AP3B1: variants seen among roughly 807,000 people sequenced by gnomAD.
AP3B1 encodes adaptor related protein complex 3 subunit beta 1.
A neutral mutation model predicts 132.5 loss-of-function variants in AP3B1; 61 were observed. The ratio of observed to expected loss-of-function variants is 0.46; its 90% CI spans 0.37 to 0.57. The LOEUF (loss-of-function observed/expected upper bound fraction) is 0.57, where lower values mean the gene tolerates loss of function less well. AP3B1 is among the 20% of genes least tolerant of loss of function. The pLI, the probability that AP3B1 is intolerant of heterozygous loss-of-function variation, is 0.00. For missense variants in AP3B1, 1,120 were observed against 1,289.4 expected (o/e 0.87, Z 2.01); for synonymous variants, 388 against 438.3 (o/e 0.89, Z 1.43).
intron 14 of AP3B1, among the ~76,000 whole-genome samples, chr5:78,153,117 C>T (rs1580415336): frequency 1.3e-5 from 2 of 152,092 alleles, no homozygotes; most frequent in South Asian, 4.1e-4. Context: ...AAGATCTGTC[C>T]AATGCTGAAA....
intron 26 of AP3B1, among the ~76,000 whole-genome samples, chr5:78,005,163 T>C (rs1015962122): frequency 2.6e-5 from 4 of 152,214 alleles, no homozygotes; most frequent in African/African-American, 9.6e-5. Context: ...ACGTGTGTAA[T>C]TCACTCAACA....
intron 22 of AP3B1, among the ~76,000 whole-genome samples, chr5:78,070,722 CA>C (rs60255463): frequency 0.03 from 4,165 of 137,896 alleles, 65 homozygotes; most frequent in Non-Finnish European, 0.037. Context: ...AAGAAAAAAA[CA>C]AAAAAAAAAA....
intron 21 of AP3B1, among the ~76,000 whole-genome samples, chr5:78,095,647 G>T (rs532185092): frequency 6.6e-6 from 1 of 152,000 alleles, no homozygotes; most frequent in African/African-American, 2.4e-5. Context: ...ATTTTCTCTC[G>T]TATGCAATAG....
At chr5:78,215,718 C>T (rs1745931754) in intron 7 of AP3B1, among the ~76,000 whole-genome samples, 2 of 152,104 alleles carry the variant, frequency 1.3e-5, no homozygotes, top group Non-Finnish European at 2.9e-5. Flanking sequence ...GGCTCAAAGA[C>T]GTGAAAGTAA....
chr5:78,260,445 T>C (rs1748039297), intron 2 of AP3B1, among the ~76,000 whole-genome samples: 1 of 151,916 alleles, frequency 6.6e-6, no homozygotes, highest in African/African-American at 2.4e-5. Flanking sequence ...AGTACAAAAA[T>C]TAGCGGGGCA....
chr5:78,273,874 G>A (rs942660138), intron 1 of AP3B1, among the ~76,000 whole-genome samples: 15 of 146,922 alleles, frequency 1.0e-4, no homozygotes, highest in Non-Finnish European at 3.0e-5. Flanking sequence ...TGCTTGGCTG[G>A]AAAAAAAAAC....
intron 14 of AP3B1, among the ~76,000 whole-genome samples, chr5:78,152,359 TG>T (rs1207817618): frequency 6.6e-6 from 1 of 151,988 alleles, no homozygotes; most frequent in Non-Finnish European, 1.5e-5. Context: ...TCTTGTTACT[TG>T]TTTTTGGTCT....
At position 78,100,629 on chromosome 5, in the gene AP3B1, A is replaced by G. The variant is rs403197; in HGVS notation, c.2470+324T>C. 8.6e-3 allele frequency among the ~76,000 whole-genome samples: 1,303 copies of G among 152,330 alleles called. 8 individuals are homozygous for G. The highest frequency in any genetic ancestry group is 0.014 in the Non-Finnish European group (966 of 68,014). On this transcript the variant is annotated intron_variant, in intron 21 of 26. Coordinates refer to ENST00000255194, the MANE Select transcript of AP3B1 (RefSeq NM_003664.5). ...TTAAGTTACATGTGTCAATCCCCAT[A>G]ATCCACATTTCACAATGTAGAAGTT...
chr5:78,033,292 A>C (rs908503587), intron 24 of AP3B1, among the ~76,000 whole-genome samples: 3 of 152,072 alleles, frequency 2.0e-5, no homozygotes, highest in African/African-American at 7.2e-5. Flanking sequence ...TGGGAAAAGT[A>C]ATCAGTTTTT....
chr5:78,024,886 A>T, intron 24 of AP3B1, among the ~76,000 whole-genome samples: 1 of 144,252 alleles, frequency 6.9e-6, no homozygotes. Context: ...TTTTGTAAAG[A>T]CAGAGTCTTA....
At chr5:78,164,974 C>T (rs541157102) in intron 12 of AP3B1, among the ~76,000 whole-genome samples, 8 of 152,216 alleles carry the variant, frequency 5.3e-5, no homozygotes, top group Middle Eastern at 6.8e-3. Context: ...AGTCATAATA[C>T]TGATGTAAAG....
chr5:78,061,820 C>T (rs1273696281), intron 22 of AP3B1, among the ~76,000 whole-genome samples: 2 of 152,194 alleles, frequency 1.3e-5, no homozygotes, highest in African/African-American at 4.8e-5. Flanking sequence ...TTTTAGAGTC[C>T]ATCCAGCCTT....
At chr5:78,010,213 C>A (rs1352790049) in intron 26 of AP3B1, among the ~76,000 whole-genome samples, 3 of 152,204 alleles carry the variant, frequency 2.0e-5, no homozygotes, top group Non-Finnish European at 4.4e-5. Flanking sequence ...GCATCCCTTA[C>A]TGACTAATCA....
At chr5:78,098,922 C>A (rs956649663) in intron 21 of AP3B1, among the ~76,000 whole-genome samples, 2 of 152,152 alleles carry the variant, frequency 1.3e-5, no homozygotes, top group Admixed American at 6.5e-5. Context: ...ACAAGAATAA[C>A]AAGAATAACA....
intron 9 of AP3B1, among the ~76,000 whole-genome samples, chr5:78,176,567 T>C (rs193205267): frequency 1.1e-3 from 161 of 152,254 alleles, no homozygotes; most frequent in African/African-American, 3.7e-3. Flanking sequence ...TTGTTTCAAA[T>C]TAAAACAACT....
chr5:78,083,567 A>T (rs1320378789), intron 22 of AP3B1, among the ~76,000 whole-genome samples: 1 of 152,132 alleles, frequency 6.6e-6, no homozygotes, highest in Non-Finnish European at 1.5e-5. Flanking sequence ...ATAATCCATT[A>T]AAAAAAATTT....
intron 23 of AP3B1, among the ~76,000 whole-genome samples, chr5:78,035,654 GA>G (rs1349176136): frequency 6.6e-6 from 1 of 151,996 alleles, no homozygotes; most frequent in Non-Finnish European, 1.5e-5. Context: ...TTAGGCAAAG[GA>G]AGTATGTTAA....
chr5:78,108,479 A>T (rs560489144), intron 20 of AP3B1, among the ~76,000 whole-genome samples: 1 of 152,178 alleles, frequency 6.6e-6, no homozygotes, highest in South Asian at 2.1e-4. Flanking sequence ...AAAGCAAAAA[A>T]CTCCACAGTC....
intron 21 of AP3B1, among the ~76,000 whole-genome samples, chr5:78,095,962 T>C (rs2112217584): frequency 6.6e-6 from 1 of 152,318 alleles, no homozygotes; most frequent in African/African-American, 2.4e-5. Flanking sequence ...AAAAAAACTT[T>C]CATTTCAATT....
Sources: allele counts gnomAD v4.1 joint callset (sites outside exome capture counted in the v4.1 genomes callset), GRCh38; gene constraint gnomAD v4.1.1; transcripts MANE v1.5; gene names NCBI Gene and HGNC (gene_info 2026-07-23, HGNC 2026-07-21).